FBXW7: variants seen among roughly 807,000 people sequenced by gnomAD.
The protein encoded by FBXW7 is F-box and WD repeat domain containing 7, also known as F-box/WD repeat-containing protein 7.
In FBXW7, 11 loss-of-function variants were observed where a neutral mutation model predicts 86.3. The observed-to-expected ratio is 0.13, with a 90% CI of 0.08 to 0.21. The LOEUF is 0.21. FBXW7 is among the 10% of genes least tolerant of loss of function. The probability of loss-of-function intolerance (pLI) is 1.00; values close to 1 mark genes in which losing one functional copy is unlikely to be tolerated. For missense variants in FBXW7, 488 were observed against 847.4 expected (o/e 0.58, Z 5.27); for synonymous variants, 313 against 297.9 (o/e 1.05, Z -0.52).
intron 4 of FBXW7, among the ~76,000 whole-genome samples, chr4:152,410,137 G>A (rs575513445): frequency 3.9e-5 from 6 of 152,254 alleles, no homozygotes; most frequent in Non-Finnish European, 7.4e-5. Flanking sequence ...TGTTCCGCAA[G>A]GCTTAGTTTT....
chr4:152,531,171 A>G (rs1251491627), intron 2 of FBXW7, among the ~76,000 whole-genome samples: 1 of 152,208 alleles, frequency 6.6e-6, no homozygotes, highest in East Asian at 1.9e-4. Context: ...TGTCCTCACT[A>G]GTAAATAACA....
At chr4:152,518,240 T>C (rs1748688647) in intron 2 of FBXW7, among the ~76,000 whole-genome samples, 1 of 151,796 alleles carries the variant, frequency 6.6e-6, no homozygotes, top group South Asian at 2.1e-4. Context: ...CCACCCGCCT[T>C]GGACTCCCAA....
chr4:152,491,880 T>C (rs1422568328), intron 2 of FBXW7, among the ~76,000 whole-genome samples: 2 of 152,212 alleles, frequency 1.3e-5, no homozygotes, highest in East Asian at 3.8e-4. Flanking sequence ...CTATAATTTT[T>C]AGATAAAACT....
At chr4:152,512,065 T>C (rs1436420576) in intron 2 of FBXW7, among the ~76,000 whole-genome samples, 1 of 152,172 alleles carries the variant, frequency 6.6e-6, no homozygotes, top group Non-Finnish European at 1.5e-5. Flanking sequence ...TCACATTATA[T>C]GAAACTAAAT....
chr4:152,508,633 T>C (rs1292230088), intron 2 of FBXW7, among the ~76,000 whole-genome samples: 10 of 141,086 alleles, frequency 7.1e-5, no homozygotes, highest in Non-Finnish European at 1.4e-4. Flanking sequence ...AGGCTTGCAG[T>C]GACTCATGAT....
chr4:152,442,018 G>T (rs777882169), intron 2 of FBXW7, among the ~76,000 whole-genome samples: 3 of 152,144 alleles, frequency 2.0e-5, no homozygotes, highest in Non-Finnish European at 4.4e-5. Context: ...TCGGAATTTT[G>T]ATATTCTTCC....
At chr4:152,431,130 G>C (rs567827547) in intron 2 of FBXW7, among the ~76,000 whole-genome samples, 1 of 152,354 alleles carries the variant, frequency 6.6e-6, no homozygotes, top group Non-Finnish European at 1.5e-5. Context: ...GTTTGCCTTA[G>C]AGAGCAAGAA....
At chr4:152,517,181 C>G (rs17028954) in intron 2 of FBXW7, among the ~76,000 whole-genome samples, 57,959 of 151,890 alleles carry the variant, frequency 0.38, 11,876 homozygotes, top group African/African-American at 0.53. Flanking sequence ...TGGTCTTTAT[C>G]CATTTCTAAG....
intron 2 of FBXW7, among the ~76,000 whole-genome samples, chr4:152,424,880 G>GCTAA (rs1365508487): frequency 2.0e-5 from 3 of 152,162 alleles, no homozygotes; most frequent in Non-Finnish European, 4.4e-5. Flanking sequence ...TTAAAATAAA[G>GCTAA]CTAACGTTCA....
At position 152,326,036 on chromosome 4, in the gene FBXW7, C is replaced by T; in HGVS notation, c.1614G>A (p.Gln538=). The T allele has an allele frequency of 6.2e-7, 1 of 1,613,214 alleles. No homozygotes were observed. Among genetic ancestry groups the T allele is most frequent in the Non-Finnish European group, 8.5e-7 (1 of 1,179,444 alleles). The part of the protein sequence containing the change: ...PETETCLHTL[Q]GHTNRVYSLQ... ...ATGAATAGACTCTATTAGTATGCCC[C>T]TGCAACGTGTGTAGACAGGTTTCAG... Residue 538 remains glutamine (Q), a synonymous_variant, in exon 12 of 14, where the codon CAG becomes CAA. Coordinates refer to ENST00000281708, the MANE Select transcript of FBXW7 (RefSeq NM_001349798.2).
intron 4 of FBXW7, among the ~76,000 whole-genome samples, chr4:152,361,155 C>G (rs1471870270): frequency 1.3e-5 from 2 of 151,966 alleles, no homozygotes; most frequent in African/African-American, 4.8e-5. Context: ...AGAAAGTGTG[C>G]CTCATGGTGA....
chr4:152,333,290 T>C (rs762614146), intron 7 of FBXW7, among the ~76,000 whole-genome samples: 12 of 152,142 alleles, frequency 7.9e-5, no homozygotes, highest in Non-Finnish European at 1.5e-4. Flanking sequence ...TCCATAGACA[T>C]ATAAAAGTAA....
chr4:152,367,812 A>G (rs1454824639), intron 4 of FBXW7, among the ~76,000 whole-genome samples: 2 of 152,126 alleles, frequency 1.3e-5, no homozygotes, highest in Non-Finnish European at 2.9e-5. Context: ...ATATAGATGT[A>G]GACATTTTAA....
At chr4:152,385,392 T>C (rs545094226) in intron 4 of FBXW7, among the ~76,000 whole-genome samples, 82 of 152,132 alleles carry the variant, frequency 5.4e-4, no homozygotes, top group Non-Finnish European at 8.7e-4. Flanking sequence ...CACTTTTACA[T>C]TTAAAAGCCC....
chr4:152,535,368 C>T lies in FBXW7; in HGVS notation c.-454G>A. The T allele has an allele frequency of 2.7e-6, 1 of 376,444 alleles. No homozygotes were observed. The highest frequency in any genetic ancestry group is 4.7e-6 in the Non-Finnish European group (1 of 212,154). The allele number at this position is 376,444 out of a possible 1,614,324, so 23.3% of individuals were successfully genotyped here. A position where few individuals can be genotyped will look rare whatever the true frequency, so the allele number is the denominator to read the frequency against. ...AGCCAAGGAGCCGGGGGGCCGGCGACTGGCCAAGGGAGAAGACCCCCGGAG... is the reference window on the plus strand; with the variant it reads ...AGCCAAGGAGCCGGGGGGCCGGCGATTGGCCAAGGGAGAAGACCCCCGGAG... On this transcript the variant is annotated 5_prime_UTR_variant, in exon 1 of 14. Coordinates refer to ENST00000281708, the MANE Select transcript of FBXW7 (RefSeq NM_001349798.2).
chr4:152,451,509 T>C (rs1224417554), intron 2 of FBXW7, among the ~76,000 whole-genome samples: 1 of 152,098 alleles, frequency 6.6e-6, no homozygotes, highest in Non-Finnish European at 1.5e-5. Context: ...TAAAAATGTA[T>C]CAAATAAGAA....
At chr4:152,420,405 A>G (rs1225206842) in intron 2 of FBXW7, among the ~76,000 whole-genome samples, 1 of 152,094 alleles carries the variant, frequency 6.6e-6, no homozygotes, top group Non-Finnish European at 1.5e-5. Context: ...ATTTCTTCCC[A>G]ACTCTTATTA....
chr4:152,532,299 T>C (rs751897335), intron 2 of FBXW7, among the ~76,000 whole-genome samples: 1 of 152,242 alleles, frequency 6.6e-6, no homozygotes, highest in South Asian at 2.1e-4. Context: ...TCCTTCTGTA[T>C]AGCCCTGGAT....
At chr4:152,521,939 C>G (rs1749059989) in intron 2 of FBXW7, among the ~76,000 whole-genome samples, 1 of 151,086 alleles carries the variant, frequency 6.6e-6, no homozygotes. Context: ...CCTACCTCAG[C>G]CTCCCCAGTA....
Sources: gnomAD v4.1 joint callset for allele counts (sites outside exome capture counted in the v4.1 genomes callset) on GRCh38, gnomAD v4.1.1 for gene constraint, MANE v1.5 for transcripts, NCBI Gene and HGNC (gene_info 2026-07-23, HGNC 2026-07-21) for gene names.